Variants in DSCAM observed in about 807,000 individuals in gnomAD.
The protein encoded by DSCAM is DS cell adhesion molecule, also known as cell adhesion molecule DSCAM.
In DSCAM, 47 loss-of-function variants were observed where a neutral mutation model predicts 217.7. That is an observed-to-expected ratio of 0.22 (90% confidence interval 0.17 to 0.28). The LOEUF (loss-of-function observed/expected upper bound fraction) is 0.28, where lower values mean the gene tolerates loss of function less well. Ranked by LOEUF, DSCAM falls within the 10% of genes least tolerant of loss-of-function variation. DSCAM has a pLI of 1.00. For synonymous variants in DSCAM, 1,056 were observed against 1,015.3 expected, an observed-to-expected ratio of 1.04 and a Z score of -0.76; for missense variants, 2,080 against 2,618.3, an observed-to-expected ratio of 0.79 and a Z score of 4.49.
intron 3 of DSCAM, among the ~76,000 whole-genome samples, chr21:40,479,778 T>C (rs1473790692): frequency 6.6e-6 from 1 of 152,184 alleles, no homozygotes; most frequent in Non-Finnish European, 1.5e-5. Context: ...TCACATGGGA[T>C]TCTCCACATG....
At chr21:40,608,952 A>T (rs1490567197) in intron 3 of DSCAM, among the ~76,000 whole-genome samples, 1 of 151,782 alleles carries the variant, frequency 6.6e-6, no homozygotes, top group African/African-American at 2.4e-5. Flanking sequence ...TCAGATTGTT[A>T]TTAATTAATT....
chr21:40,390,197 G>A (rs1222258088), intron 3 of DSCAM, among the ~76,000 whole-genome samples: 2 of 152,222 alleles, frequency 1.3e-5, no homozygotes, highest in African/African-American at 4.8e-5. Context: ...TGCTCAGCAG[G>A]TGGATGAGTC....
chr21:40,822,419 T>C (rs2091937211), intron 1 of DSCAM, among the ~76,000 whole-genome samples: 1 of 151,762 alleles, frequency 6.6e-6, no homozygotes, highest in Non-Finnish European at 1.5e-5. Flanking sequence ...CTCCTTGTTT[T>C]ATTAGCTTAT....
In DSCAM at chr21:40,269,329, C is replaced by T. The variant is rs187748798; in HGVS notation, c.2356+6768G>A. Among the ~76,000 whole-genome samples the T allele has an allele frequency of 2.2e-3, 341 of 152,304 alleles. 2 individuals are homozygous for T. The highest frequency in any genetic ancestry group is 0.01 in the Middle Eastern group (3 of 294). On this transcript the variant is annotated intron_variant, in intron 11 of 32. Transcript: ENST00000400454. ...AAACTCCTCAAAAGAATTGTTTTTA[C>T]GTTTCATTGTGCAAATTCTGGTTGT...
chr21:40,730,375 A>G (rs2090999953), intron 1 of DSCAM, among the ~76,000 whole-genome samples: 1 of 152,208 alleles, frequency 6.6e-6, no homozygotes, highest in African/African-American at 2.4e-5. Flanking sequence ...TTCCTTCATG[A>G]TGACTTCTCA....
At chr21:40,096,189 T>A (rs543967561) in intron 20 of DSCAM, among the ~76,000 whole-genome samples, 1 of 152,328 alleles carries the variant, frequency 6.6e-6, no homozygotes, top group African/African-American at 2.4e-5. Context: ...TTGTCTCTTA[T>A]CTACCTAGGA....
intron 3 of DSCAM, among the ~76,000 whole-genome samples, chr21:40,498,209 G>A (rs1040651025): frequency 6.6e-6 from 1 of 152,100 alleles, no homozygotes; most frequent in East Asian, 1.9e-4. Flanking sequence ...TTGTTGCCAG[G>A]AGGAATTACT....
intron 9 of DSCAM, 81 bp downstream of exon 9, chr21:40,312,000 G>T (rs551599491): frequency 1.1e-5 from 8 of 699,590 alleles, no homozygotes; most frequent in Non-Finnish European, 1.5e-5. Flanking sequence ...AGTTATTTTC[G>T]AAATATTTCA....
chr21:40,659,583 T>C (rs961086219), intron 3 of DSCAM, among the ~76,000 whole-genome samples: 2 of 152,226 alleles, frequency 1.3e-5, no homozygotes, highest in Admixed American at 1.3e-4. Context: ...TATCTATCTT[T>C]CATCTATCTG....
At chr21:40,668,698 A>C (rs2090232696) in intron 3 of DSCAM, among the ~76,000 whole-genome samples, 1 of 152,222 alleles carries the variant, frequency 6.6e-6, no homozygotes, top group South Asian at 2.1e-4. Flanking sequence ...GGGAGATTAG[A>C]ACATAAAACT....
At chr21:40,349,044 G>A (rs553049687) in intron 5 of DSCAM, among the ~76,000 whole-genome samples, 1 of 149,382 alleles carries the variant, frequency 6.7e-6, no homozygotes, top group East Asian at 2.0e-4. Context: ...GGCTGAGGGA[G>A]GAGAATGGTG....
intron 3 of DSCAM, among the ~76,000 whole-genome samples, chr21:40,416,967 A>T (rs1326686828): frequency 6.6e-6 from 1 of 152,220 alleles, no homozygotes; most frequent in African/African-American, 2.4e-5. Flanking sequence ...GGTGAAAATC[A>T]AGGGACTCTG....
intron 18 of DSCAM, among the ~76,000 whole-genome samples, chr21:40,138,690 GTGTGTGGTGTA>G (rs1396049847): frequency 2.1e-5 from 3 of 141,390 alleles, no homozygotes; most frequent in Non-Finnish European, 3.0e-5. Flanking sequence ...GTGTGGTGTG[GTGTGTGGTGTA>G]TGTGTGGTGT....
intron 3 of DSCAM, among the ~76,000 whole-genome samples, chr21:40,460,287 A>G (rs2075796248): frequency 6.6e-6 from 1 of 152,192 alleles, no homozygotes; most frequent in Admixed American, 6.5e-5. Flanking sequence ...TTAAAATAGA[A>G]TATCATTAAA....
chr21:40,427,608 C>T (rs2075487654), intron 3 of DSCAM, among the ~76,000 whole-genome samples: 1 of 152,196 alleles, frequency 6.6e-6, no homozygotes, highest in Non-Finnish European at 1.5e-5. Flanking sequence ...CTTATTGCTA[C>T]CCACTTTGCA....
intron 3 of DSCAM, among the ~76,000 whole-genome samples, chr21:40,493,442 T>C (rs780014941): frequency 6.6e-6 from 1 of 152,144 alleles, no homozygotes; most frequent in African/African-American, 2.4e-5. Context: ...AATACTGTAA[T>C]GGTAGTATGT....
At chr21:40,806,348 C>T (rs1039252700) in intron 1 of DSCAM, among the ~76,000 whole-genome samples, 3 of 126,972 alleles carry the variant, frequency 2.4e-5, no homozygotes, top group African/African-American at 7.5e-5. Context: ...GTGCCTGGCA[C>T]CCTGAAGATG....
At chr21:40,327,611 CTT>C (rs918542375) in intron 8 of DSCAM, among the ~76,000 whole-genome samples, 2 of 145,440 alleles carry the variant, frequency 1.4e-5, no homozygotes, top group Admixed American at 6.9e-5. Context: ...GAGTGTGCAT[CTT>C]TTTTTTTTTG....
intron 3 of DSCAM, among the ~76,000 whole-genome samples, chr21:40,427,209 C>T (rs565017284): frequency 3.9e-4 from 60 of 152,206 alleles, no homozygotes; most frequent in African/African-American, 1.4e-3. Flanking sequence ...AGACCACTGT[C>T]ATTGGAATGG....
Sources: allele counts gnomAD v4.1 joint callset (sites outside exome capture counted in the v4.1 genomes callset), GRCh38; gene constraint gnomAD v4.1.1; transcripts MANE v1.5; gene names NCBI Gene and HGNC (gene_info 2026-07-23, HGNC 2026-07-21).